Variants in BCAS3 observed in about 807,000 individuals in gnomAD.
The protein encoded by BCAS3 is BCAS4/BCAS3 fusion.
Under a neutral mutation model 116.1 loss-of-function variants are expected in BCAS3, and 53 were observed. The ratio of observed to expected loss-of-function variants is 0.46; its 90% CI spans 0.37 to 0.57. BCAS3 has a LOEUF of 0.57. BCAS3 is among the 20% of genes least tolerant of loss of function. The probability of loss-of-function intolerance (pLI) is 0.00; values close to 1 mark genes in which losing one functional copy is unlikely to be tolerated. For missense variants in BCAS3, 917 were observed against 1,165.4 expected (o/e 0.79, Z 3.10); for synonymous variants, 391 against 408.2 (o/e 0.96, Z 0.51).
intron 13 of BCAS3, among the ~76,000 whole-genome samples, chr17:60,940,571 G>C (rs946588557): frequency 1.5e-4 from 23 of 152,094 alleles, no homozygotes; most frequent in African/African-American, 5.3e-4. Flanking sequence ...CTGGGATTCT[G>C]TTTCTTTGCT....
At chr17:60,943,378 G>A (rs1357488727) in intron 13 of BCAS3, among the ~76,000 whole-genome samples, 1 of 152,094 alleles carries the variant, frequency 6.6e-6, no homozygotes, top group Admixed American at 6.6e-5. Flanking sequence ...TAGATATAGA[G>A]TAGAAGAATG....
In BCAS3 at chr17:61,376,255, G is replaced by A. The variant is rs1394079758; in HGVS notation, c.2593+7761G>A. Reference sequence around the variant, plus strand: ...AGTGAAAGGTGAGCCTCCTTTATGGGTCCTGGGTTAGCCACACTGTTCCTG... The same window carrying A: ...AGTGAAAGGTGAGCCTCCTTTATGGATCCTGGGTTAGCCACACTGTTCCTG... On this transcript the variant is annotated intron_variant, in intron 23 of 23. Coordinates refer to ENST00000407086, the MANE Select transcript of BCAS3 (RefSeq NM_017679.5). This position sits in a 1 kb window ranked among gnomAD's most constrained non-coding sequence, Gnocchi z 4.5. Among the ~76,000 whole-genome samples, 4 of 152,148 alleles carry A rather than the reference G, an allele frequency of 2.6e-5. No homozygotes were observed. The highest frequency in any genetic ancestry group is 2.6e-4 in the Admixed American group (4 of 15,282).
Position 61,200,533 on chromosome 17 carries a change from A to C in BCAS3, c.2425+115969A>C, listed in dbSNP as rs1373397679. On this transcript the variant is annotated intron_variant, in intron 22 of 23. Transcript: ENST00000407086. The surrounding 1 kb of genome is among the most constrained non-coding windows in gnomAD (Gnocchi z 5.1). ...TAAATCAATGACCGAGCTGGTGTGG[A>C]ATGTTAGCCTCCTGGATCCTGATCG... 6.6e-6 allele frequency among the ~76,000 whole-genome samples: 1 copy of C among 152,196 alleles called. No individual in the cohort carries two copies. Among genetic ancestry groups the C allele is most frequent in the East Asian group, 1.9e-4 (1 of 5,192 alleles).
intron 6 of BCAS3, among the ~76,000 whole-genome samples, chr17:60,802,371 C>CATACAT (rs1555724685): frequency 7.3e-4 from 82 of 111,948 alleles, no homozygotes; most frequent in African/African-American, 2.8e-3. Context: ...TACATACATA[C>CATACAT]ATATATATAT....
chr17:61,382,196 C>T (rs1228743058), intron 23 of BCAS3, among the ~76,000 whole-genome samples: 2 of 151,382 alleles, frequency 1.3e-5, no homozygotes, highest in East Asian at 2.0e-4. Flanking sequence ...GACATGGTGG[C>T]GCGTGCCTGT....
At chr17:61,319,900 T>A (rs1243626081) in intron 22 of BCAS3, among the ~76,000 whole-genome samples, 1 of 150,548 alleles carries the variant, frequency 6.6e-6, no homozygotes, top group Non-Finnish European at 1.5e-5. Context: ...TTTTTTATTT[T>A]TTTTTTTTGA....
intron 22 of BCAS3, among the ~76,000 whole-genome samples, chr17:61,190,650 C>T (rs1289632721): frequency 6.6e-6 from 1 of 151,568 alleles, no homozygotes; most frequent in Non-Finnish European, 1.5e-5. Context: ...TCTTCTTGCC[C>T]AGGCTGGAGT....
At chr17:61,070,579 A>C (rs1263594369) in intron 19 of BCAS3, among the ~76,000 whole-genome samples, 1 of 151,728 alleles carries the variant, frequency 6.6e-6, no homozygotes, top group Non-Finnish European at 1.5e-5. Context: ...AGAATGTATT[A>C]GTACAAACTA....
At chr17:61,240,547 T>C (rs2144498938) in intron 22 of BCAS3, among the ~76,000 whole-genome samples, 1 of 152,182 alleles carries the variant, frequency 6.6e-6, no homozygotes, top group Non-Finnish European at 1.5e-5. Flanking sequence ...CCAGCTACTC[T>C]GGAGGCTGAG....
chr17:61,049,439 G>A (rs2068636111), intron 19 of BCAS3, among the ~76,000 whole-genome samples: 1 of 151,890 alleles, frequency 6.6e-6, no homozygotes, highest in Non-Finnish European at 1.5e-5. Flanking sequence ...TGAACTGTGG[G>A]AAAATATACA....
Position 61,106,235 on chromosome 17 carries a change from A to G in BCAS3, c.2425+21671A>G, listed in dbSNP as rs1011439982. Among the ~76,000 whole-genome samples, 4 of 152,236 alleles carry G rather than the reference A, an allele frequency of 2.6e-5. No homozygotes were observed. The highest frequency in any genetic ancestry group is 5.9e-5 in the Non-Finnish European group (4 of 68,028). On this transcript the variant is annotated intron_variant, in intron 22 of 23. Transcript: ENST00000407086. The surrounding 1 kb of genome is among the most constrained non-coding windows in gnomAD (Gnocchi z 4.2). Reference sequence around the variant, plus strand: ...ACATATAGGAAAAAACATGGTATATACAGTCATGTATGGCATAGTGACCTT... The same window carrying G: ...ACATATAGGAAAAAACATGGTATATGCAGTCATGTATGGCATAGTGACCTT...
chr17:60,877,457 A>T (rs2055721130), intron 9 of BCAS3, among the ~76,000 whole-genome samples: 1 of 152,180 alleles, frequency 6.6e-6, no homozygotes, highest in African/African-American at 2.4e-5. Flanking sequence ...AGTGAACAGG[A>T]GACTGAGTTG....
Position 61,023,247 on chromosome 17 carries a change from A to G in BCAS3, c.1637+7346A>G, listed in dbSNP as rs375659231. Among the ~76,000 whole-genome samples the G allele has an allele frequency of 2.6e-5, 4 of 152,192 alleles. No homozygotes were observed. Among genetic ancestry groups the G allele is most frequent in the African/African-American group, 9.6e-5 (4 of 41,458 alleles). On this transcript the variant is annotated intron_variant, in intron 16 of 23. Transcript: ENST00000407086. This position sits in a 1 kb window ranked among gnomAD's most constrained non-coding sequence, Gnocchi z 4.8. ...ATCCCTAGAATTTATTTTTAGAGAA[A>G]TATGGCTCTGCTTCAATATTTGACA...
chr17:60,729,797 A>C (rs1289723697), intron 5 of BCAS3, among the ~76,000 whole-genome samples: 1 of 152,196 alleles, frequency 6.6e-6, no homozygotes, highest in African/African-American at 2.4e-5. Context: ...TCAATTGAAC[A>C]CCTATCAGCT....
At chr17:61,372,580 G>A (rs2059107470) in intron 23 of BCAS3, among the ~76,000 whole-genome samples, 1 of 152,086 alleles carries the variant, frequency 6.6e-6, no homozygotes, top group Non-Finnish European at 1.5e-5. Flanking sequence ...CCATCCCGGT[G>A]TCCAAAGCCC....
At chr17:61,163,219 T>G (rs986850514) in intron 22 of BCAS3, among the ~76,000 whole-genome samples, 2 of 151,720 alleles carry the variant, frequency 1.3e-5, no homozygotes, top group Admixed American at 6.6e-5. Context: ...GGTCAGGAGA[T>G]CAAGACCATC....
chr17:60,771,433 A>G (rs2044696720), intron 6 of BCAS3, among the ~76,000 whole-genome samples: 1 of 152,204 alleles, frequency 6.6e-6, no homozygotes, highest in Non-Finnish European at 1.5e-5. Context: ...AGACAGCAAT[A>G]GTCTACTTAA....
rs1190013666 is a variant in BCAS3, at chr17:61,029,382, A to G, written c.1638-5284A>G. Among the ~76,000 whole-genome samples the G allele has an allele frequency of 6.6e-6, 1 of 151,978 alleles. No individual in the cohort carries two copies. The highest frequency in any genetic ancestry group is 1.5e-5 in the Non-Finnish European group (1 of 67,896). ...GGAAAGTAAACTATGCATCTTCAACATTTTAGTCACTTTGGACTTCCCTGG... is the reference window on the plus strand; with the variant it reads ...GGAAAGTAAACTATGCATCTTCAACGTTTTAGTCACTTTGGACTTCCCTGG... On this transcript the variant is annotated intron_variant, in intron 16 of 23. Transcript: ENST00000407086. The surrounding 1 kb of genome is among the most constrained non-coding windows in gnomAD (Gnocchi z 5.2).
At chr17:61,033,917 A>C (rs2066826143) in intron 16 of BCAS3, among the ~76,000 whole-genome samples, 1 of 152,206 alleles carries the variant, frequency 6.6e-6, no homozygotes, top group Admixed American at 6.5e-5. Flanking sequence ...AAGTAATGGC[A>C]GTTACTAAAT....
Sources: gnomAD v4.1 joint callset for allele counts (sites outside exome capture counted in the v4.1 genomes callset) on GRCh38, gnomAD v4.1.1 for gene constraint, Gnocchi (gnomAD v3.1) non-coding constraint, MANE v1.5 for transcripts, NCBI Gene and HGNC (gene_info 2026-07-23, HGNC 2026-07-21) for gene names.